The following HMCN1 variants were observed in gnomAD, a reference collection of about 807,000 sequenced individuals.
The protein encoded by HMCN1 is hemicentin-1.
In HMCN1, 321 loss-of-function variants were observed where a neutral mutation model predicts 625.9. That is an observed-to-expected ratio of 0.51 (90% CI 0.47 to 0.56). The LOEUF (loss-of-function observed/expected upper bound fraction) is 0.56, where lower values mean the gene tolerates loss of function less well. Ranked by LOEUF, HMCN1 falls within the 20% of genes least tolerant of loss-of-function variation. The pLI is 0.00. For missense variants in HMCN1, 6,588 were observed against 6,887.3 expected, an observed-to-expected ratio of 0.96 and a Z score of 1.54; for synonymous variants, 2,425 against 2,417.6, an observed-to-expected ratio of 1.00 and a Z score of -0.09.
chr1:186,071,891 G>T (rs1460840250), intron 52 of HMCN1, among the ~76,000 whole-genome samples: 8 of 152,084 alleles, frequency 5.3e-5, no homozygotes, highest in Admixed American at 5.2e-4. Context: ...CTTTTCTAAA[G>T]TTGTTTCATT....
chr1:185,922,227 A>T, intron 6 of HMCN1, 152 bp from the exon 7 acceptor site: 1 of 840,730 alleles, frequency 1.2e-6, no homozygotes. Flanking sequence ...AAAATATAGA[A>T]TCCTAGTTAT....
intron 102 of HMCN1, among the ~76,000 whole-genome samples, chr1:186,173,238 G>GAT (rs914511879): frequency 2.0e-5 from 3 of 152,084 alleles, no homozygotes; most frequent in African/African-American, 7.2e-5. Context: ...AGGAGTGGGA[G>GAT]ATAGATATAG....
intron 25 of HMCN1, among the ~76,000 whole-genome samples, chr1:185,998,047 T>C (rs1571689111): frequency 6.6e-6 from 1 of 152,278 alleles, no homozygotes; most frequent in Admixed American, 6.5e-5. Flanking sequence ...TTCTGGGCTT[T>C]CTATCCTACC....
At chr1:186,151,552 AT>A (rs1341066374) in intron 94 of HMCN1, 53 bp from the exon 95 acceptor site, 3 of 1,549,812 alleles carry the variant, frequency 1.9e-6, no homozygotes, top group African/African-American at 2.7e-5. Context: ...TATGAAGACA[AT>A]AAAATAGACT....
intron 97 of HMCN1, among the ~76,000 whole-genome samples, chr1:186,161,467 T>C (rs887252520): frequency 6.6e-6 from 1 of 151,920 alleles, no homozygotes; most frequent in Non-Finnish European, 1.5e-5. Context: ...GTCATTATGA[T>C]GTTAGCTGGT....
Position 186,190,072 on chromosome 1 carries a change from G to GT in HMCN1, c.*195dup. 1.6e-6 allele frequency: 1 copy of GT among 632,952 alleles called. No individual in the cohort carries two copies. The highest frequency in any genetic ancestry group is 2.8e-5 in the East Asian group (1 of 36,248). 39.2% of individuals were successfully genotyped at this position (632,952 alleles called of 1,614,324 possible). ...CACCATGGTCATATCTTGAAGTATG[G>GT]TCTAGAAAAGTCCCTTATTATTTTA... On this transcript the variant is annotated 3_prime_UTR_variant, in exon 107 of 107. Transcript: ENST00000271588.
At chr1:186,068,605 C>T (rs755696077) in intron 50 of HMCN1, among the ~76,000 whole-genome samples, 9 of 152,086 alleles carry the variant, frequency 5.9e-5, no homozygotes, top group Non-Finnish European at 1.2e-4. Context: ...CGGTGGCTCA[C>T]GCCTGTAATC....
At chr1:186,174,441 A>G in intron 102 of HMCN1, 73 bp from the exon 103 acceptor site, 2 of 1,567,244 alleles carry the variant, frequency 1.3e-6, no homozygotes, top group Non-Finnish European at 1.8e-6. Flanking sequence ...ATTCTACAGA[A>G]TGCTGACTTT....
Position 185,827,206 on chromosome 1 carries a change from A to C in HMCN1, c.269-18820A>C, listed in dbSNP as rs76008161. On this transcript the variant is annotated intron_variant, in intron 1 of 106. Coordinates refer to ENST00000271588, the MANE Select transcript of HMCN1 (RefSeq NM_031935.3). Reference sequence around the variant, plus strand: ...AAAAAAAAGAAAAAAAATTGCAAGAAAAATATGAGGAAATGAAGAGGGAAA... The same window carrying C: ...AAAAAAAAGAAAAAAAATTGCAAGACAAATATGAGGAAATGAAGAGGGAAA... Among the ~76,000 whole-genome samples, 222 of 151,592 alleles carry C rather than the reference A, an allele frequency of 1.5e-3. 1 individual carries two copies. Among genetic ancestry groups the C allele is most frequent in the African/African-American group, 5.0e-3 (206 of 41,446 alleles).
At chr1:185,947,359 T>C (rs914881536) in intron 11 of HMCN1, among the ~76,000 whole-genome samples, 7 of 152,270 alleles carry the variant, frequency 4.6e-5, no homozygotes, top group Non-Finnish European at 1.0e-4. Context: ...TTTGTAAATT[T>C]GAATTTAAGT....
At chr1:185,851,276 C>T (rs571290436) in intron 2 of HMCN1, among the ~76,000 whole-genome samples, 28 of 151,976 alleles carry the variant, frequency 1.8e-4, no homozygotes, top group Admixed American at 1.3e-4. Context: ...AAAAAGAAAA[C>T]CTTTAAAAAT....
intron 11 of HMCN1, among the ~76,000 whole-genome samples, chr1:185,948,234 C>T (rs1294679531): frequency 6.6e-6 from 1 of 152,062 alleles, no homozygotes; most frequent in Admixed American, 6.6e-5. Flanking sequence ...TGTAGCATTG[C>T]TTGATGTTAG....
chr1:185,978,523 A>AT (rs1325935046), intron 16 of HMCN1, among the ~76,000 whole-genome samples: 1 of 152,118 alleles, frequency 6.6e-6, no homozygotes, highest in African/African-American at 2.4e-5. Context: ...AGCACCTTCT[A>AT]TTTTTTCAAA....
intron 1 of HMCN1, among the ~76,000 whole-genome samples, chr1:185,769,879 G>A (rs971093948): frequency 2.6e-5 from 4 of 152,090 alleles, no homozygotes; most frequent in African/African-American, 9.7e-5. Context: ...TGGCTGGCAG[G>A]GTTCTAAGAG....
intron 64 of HMCN1, among the ~76,000 whole-genome samples, chr1:186,092,717 C>A (rs1043418779): frequency 2.0e-5 from 3 of 151,768 alleles, no homozygotes; most frequent in Admixed American, 6.6e-5. Context: ...TTTAAATGAT[C>A]CTATTGTGTT....
chr1:186,150,023 T>C (rs919830871), intron 93 of HMCN1, among the ~76,000 whole-genome samples: 2 of 152,094 alleles, frequency 1.3e-5, no homozygotes, highest in Non-Finnish European at 2.9e-5. Flanking sequence ...GTTTGAAATA[T>C]TGCAAGAATT....
intron 30 of HMCN1, among the ~76,000 whole-genome samples, chr1:186,013,634 CA>C (rs1654141746): frequency 6.6e-6 from 1 of 152,034 alleles, no homozygotes; most frequent in African/African-American, 2.4e-5. Flanking sequence ...AGGGAATACA[CA>C]AGATGATGCT....
intron 11 of HMCN1, among the ~76,000 whole-genome samples, chr1:185,948,376 G>C (rs1368592268): frequency 6.6e-6 from 1 of 151,616 alleles, no homozygotes; most frequent in African/African-American, 2.4e-5. Context: ...TCCGAAAAGA[G>C]AGTCAGCAAA....
intron 30 of HMCN1, among the ~76,000 whole-genome samples, chr1:186,008,548 A>G (rs1436380152): frequency 1.3e-5 from 2 of 152,136 alleles, no homozygotes; most frequent in Non-Finnish European, 2.9e-5. Context: ...TTTGATTTCT[A>G]TTGAACAACA....
Sources: gnomAD v4.1 joint callset for allele counts (sites outside exome capture counted in the v4.1 genomes callset) on GRCh38, gnomAD v4.1.1 for gene constraint, MANE v1.5 for transcripts, NCBI Gene and HGNC (gene_info 2026-07-23, HGNC 2026-07-21) for gene names.